ARHGAP9: variants seen among roughly 807,000 people sequenced by gnomAD.
ARHGAP9 encodes the protein Rho GTPase activating protein 9.
In ARHGAP9, 76 loss-of-function variants were observed where a neutral mutation model predicts 87.3. The ratio of observed to expected loss-of-function variants is 0.87; its 90% confidence interval spans 0.72 to 1.05. The LOEUF (loss-of-function observed/expected upper bound fraction) is 1.05. ARHGAP9 is among the 50% of genes least tolerant of loss of function. The pLI, the probability that ARHGAP9 is intolerant of heterozygous loss-of-function variation, is 0.00. For missense variants in ARHGAP9, 941 were observed against 960.5 expected (o/e 0.98, Z 0.27); for synonymous variants, 382 against 394.9 (o/e 0.97, Z 0.39).
chr12:57,476,739 G>T (rs989776302), intron 6 of ARHGAP9, 88 bp from the exon 7 acceptor site: 2 of 1,576,690 alleles, frequency 1.3e-6, no homozygotes, highest in South Asian at 1.1e-5. Context: ...CAGGAGTGAA[G>T]TCCCTTAAAG....
chr12:57,474,566 C>T (rs371682585), intron 14 of ARHGAP9, 60 bp downstream of exon 14: 73 of 1,612,194 alleles, frequency 4.5e-5, no homozygotes, highest in East Asian at 1.3e-4. Flanking sequence ...CATGTAGGAC[C>T]GCCCATGGTT....
intron 1 of ARHGAP9, chr12:57,487,296 T>C (rs1170224653): frequency 1.3e-5 from 2 of 152,026 alleles, no homozygotes; most frequent in African/African-American, 4.8e-5. Context: ...TTTGTTGTTG[T>C]TGTTGATAGG....
At chr12:57,488,090 A>G (rs1875576827) in intron 1 of ARHGAP9, 1 of 1,613,826 alleles carries the variant, frequency 6.2e-7, no homozygotes, top group Non-Finnish European at 8.5e-7. Context: ...TTCACGGCGA[A>G]ATGAGACTGT....
intron 17 of ARHGAP9, among the ~76,000 whole-genome samples, chr12:57,472,959 G>T (rs1479858293): frequency 6.6e-6 from 1 of 152,146 alleles, no homozygotes; most frequent in Non-Finnish European, 1.5e-5. Context: ...TAATTCAAGT[G>T]GCCATCCTCT....
rs775699192 is a variant in ARHGAP9, at chr12:57,476,649, C to T, written c.966G>A (p.Glu322=). 5.6e-6 allele frequency: 9 copies of T among 1,610,708 alleles called. No homozygotes were observed. The East Asian group carries it at 1.1e-4, about 20-fold the overall frequency. The change falls in exon 7 of 18, where the codon GAG becomes GAA. Residue 322 remains glutamate, a splice_region_variant and synonymous_variant. Transcript: ENST00000393791. ...PLPQLLDDPH[E]VEKSGLLNMT... is the part of the protein sequence containing the mutation. ...TGTTGAGCAGACCCGACTTTTCCAC[C>T]TCCTGGGAAGTGGAGGGAATGGGAT... is the stretch of plus-strand genomic sequence containing the variant.
Position 57,474,674 on chromosome 12 carries a change from T to C in ARHGAP9, c.1681A>G (p.Ser561Gly), listed in dbSNP as rs1446192231. 6.2e-7 allele frequency: 1 copy of C among 1,614,144 alleles called. No homozygotes were observed. The highest frequency in any genetic ancestry group is 1.1e-5 in the South Asian group (1 of 91,082). Residue 561 changes from serine to glycine, a missense_variant, in exon 14 of 18, where the codon AGC (serine) becomes GGC (glycine). Ser to Gly is a moderately conservative substitution (Grantham distance 56). Coordinates refer to ENST00000393791, the MANE Select transcript of ARHGAP9 (RefSeq NM_032496.4). ...GLDVDGIYRV[S>G]GNLAVVQKLR... ...TTCTGGACCACTGCCAAGTTCCCGCTCACCCGATAAATGCCATCCACATCT... is the reference window on the plus strand; with the variant it reads ...TTCTGGACCACTGCCAAGTTCCCGCCCACCCGATAAATGCCATCCACATCT...
At position 57,479,085 on chromosome 12, in the gene ARHGAP9, A is replaced by G; in HGVS notation, c.316+6T>C. 1 of 1,613,508 alleles carries G rather than the reference A, an allele frequency of 6.2e-7. No homozygotes were observed. The highest frequency in any genetic ancestry group is 8.5e-7 in the Non-Finnish European group (1 of 1,179,544). On this transcript the variant is annotated splice_donor_region_variant and intron_variant, in intron 2 of 17. Transcript: ENST00000393791. ...GGTGAAGGGAGAGGGCTTAGCGCTTACTCACCAGGAGTCCAGAGCAATTGG... is the reference window on the plus strand; with the variant it reads ...GGTGAAGGGAGAGGGCTTAGCGCTTGCTCACCAGGAGTCCAGAGCAATTGG...
In ARHGAP9 at chr12:57,475,411, G is replaced by C. The variant is rs1368856378; in HGVS notation, c.1445-13C>G. The C allele has an allele frequency of 6.3e-7, 1 of 1,586,290 alleles. No individual in the cohort carries two copies. The highest frequency in any genetic ancestry group is 2.3e-5 in the East Asian group (1 of 43,848). Reference sequence around the variant, plus strand: ...TCGGGCCCCCGAACTGCAGGAGGCAGGTAGAGCGGGGCGTGAGCGCCCGGG... The same window carrying C: ...TCGGGCCCCCGAACTGCAGGAGGCACGTAGAGCGGGGCGTGAGCGCCCGGG... On this transcript the variant is annotated splice_polypyrimidine_tract_variant and intron_variant, in intron 11 of 17. Transcript: ENST00000393791.
chr12:57,481,409 C>T (rs1253102389), upstream of ARHGAP9, among the ~76,000 whole-genome samples: 1 of 152,116 alleles, frequency 6.6e-6, no homozygotes, highest in African/African-American at 2.4e-5. Flanking sequence ...TGCCACTATG[C>T]CCGCTATTTT....
rs1481366110 is a variant in ARHGAP9 at position 57,477,227 on chromosome 12, T to C, written c.799A>G (p.Asn267Asp). Residue 267 changes from asparagine (N) to aspartate (D), a missense_variant, in exon 5 of 18, where the codon AAT (asparagine) becomes GAT (aspartate). Physicochemically the swap from Asn to Asp is conservative, Grantham distance 23. Transcript: ENST00000393791. ...TTTGCCTGAGGTTGCAGGACATCAT[T>C]GTTCCTCTTCAGGGTCTGTGTCCCC... ...MEGTQTLKRN[N>D]DVLQPQAKGF... 6 of 1,599,826 alleles carry C rather than the reference T, an allele frequency of 3.8e-6. No individual in the cohort carries two copies. Among genetic ancestry groups the C allele is most frequent in the Middle Eastern group, 3.4e-4 (2 of 5,962 alleles).
At chr12:57,488,796 C>G in exon 1 of ARHGAP9, 1 of 867,302 alleles carries the variant, frequency 1.2e-6, no homozygotes, top group East Asian at 2.6e-5. Flanking sequence ...CTCTGCAGTC[C>G]CCATCTGTTG....
upstream of ARHGAP9, among the ~76,000 whole-genome samples, chr12:57,482,276 T>C (rs1875074171): frequency 6.6e-6 from 1 of 151,994 alleles, no homozygotes; most frequent in South Asian, 2.1e-4. Context: ...AGTCTTGCTC[T>C]GTCGCCCAGA....
chr12:57,480,274 C>T (rs904325071), upstream of ARHGAP9, among the ~76,000 whole-genome samples: 5 of 152,118 alleles, frequency 3.3e-5, no homozygotes, highest in East Asian at 3.9e-4. Flanking sequence ...TTCCGCCCCC[C>T]GGGTTCAAGT....
At chr12:57,480,089 C>T (rs1874858099), upstream of ARHGAP9, 11 of 985,368 alleles carry the variant, frequency 1.1e-5, no homozygotes, top group South Asian at 5.2e-4. Context: ...CCCTCCCAAT[C>T]CAGGACACGA....
rs980820658 is a variant in ARHGAP9 at position 57,479,187 on chromosome 12, G to A, written c.220C>T (p.Arg74Ter). ...ARRLEAPSTS[R>*]PIFVPAAYMI... ...TAGGCTGCTGGGACGAAGATGGGTC[G>A]AGAGGTGGAGGGAGCTTCTAGGCGT... is the stretch of plus-strand genomic sequence containing the variant. Residue 74 changes from arginine (R) to a stop codon, truncating the protein, a stop_gained, in exon 2 of 18, where the codon CGA (arginine) becomes TGA (stop). Transcript: ENST00000393791. LOFTEE classifies it high-confidence loss of function. The A allele has an allele frequency of 2.5e-6, 4 of 1,614,200 alleles. No homozygotes were observed. Among genetic ancestry groups the A allele is most frequent in the African/African-American group, 1.3e-5 (1 of 75,042 alleles).
upstream of ARHGAP9, among the ~76,000 whole-genome samples, chr12:57,481,764 ACT>A (rs1375750890): frequency 6.6e-6 from 1 of 151,238 alleles, no homozygotes; most frequent in Non-Finnish European, 1.5e-5. Flanking sequence ...TCCTACAAAC[ACT>A]CTGCTGGTAT....
In ARHGAP9 at chr12:57,476,347, C is replaced by G. The variant is rs770257810; in HGVS notation, c.1116+17G>C. The stretch of plus-strand genomic sequence containing the variant: ...GGCAGCGCCCGCACCCATCCTGCGC[C>G]TCTCGCTCACACTCACCCAGCCTGA... On this transcript the variant is annotated intron_variant, in intron 8 of 17. Transcript: ENST00000393791. The G allele has an allele frequency of 1.2e-6, 2 of 1,612,738 alleles. No homozygotes were observed. Among genetic ancestry groups the G allele is most frequent in the South Asian group, 2.2e-5 (2 of 91,012 alleles).
In ARHGAP9 at chr12:57,478,061, C is replaced by T. The variant is rs1874426908; in HGVS notation, c.535-381G>A. ...GGTCTACAGAAGGGAAGAGGAGCCC[C>T]TTTCCACCCACGGTTAAGAAAGAGA... On this transcript the variant is annotated intron_variant, in intron 3 of 17. Coordinates refer to ENST00000393791, the MANE Select transcript of ARHGAP9 (RefSeq NM_032496.4). The T allele has an allele frequency of 5.1e-6, 4 of 782,702 alleles. No individual in the cohort carries two copies. In the South Asian group the frequency reaches 8.4e-5, roughly 16 times the overall value. 48.5% of individuals were successfully genotyped at this position (782,702 alleles called of 1,614,324 possible). A position where few individuals can be genotyped will look rare whatever the true frequency, so the allele number is the denominator to read the frequency against.
In ARHGAP9 at chr12:57,487,045, C is replaced by T. The variant is rs576364453; in HGVS notation, c.-204+1567G>A. ...AGGCTGGAGTGCAATGGCGCGGTCT[C>T]GGCTCACTGCAACCTCCGCTTCCCG... On this transcript the variant is annotated intron_variant, in intron 1 of 20. Transcript: ENST00000393797. 4.2e-4 allele frequency among the ~76,000 whole-genome samples: 64 copies of T among 151,570 alleles called. 1 individual carries two copies. In the South Asian group the frequency reaches 8.2e-3, roughly 19 times the overall value.
Sources: allele counts gnomAD v4.1 joint callset (sites outside exome capture counted in the v4.1 genomes callset), GRCh38; gene constraint gnomAD v4.1.1; transcripts MANE v1.5; gene names NCBI Gene and HGNC (gene_info 2026-07-23, HGNC 2026-07-21).